ARHGAP6: variants seen among roughly 807,000 people sequenced by gnomAD.
The protein encoded by ARHGAP6 is rho GTPase-activating protein 6.
ARHGAP6 carries 16 observed loss-of-function variants against 55.7 expected under a neutral mutation model. The observed-to-expected ratio is 0.29, with a 90% CI of 0.19 to 0.44. The LOEUF (loss-of-function observed/expected upper bound fraction) is 0.44, where lower values mean the gene tolerates loss of function less well. Ranked by LOEUF, ARHGAP6 falls within the 20% of genes least tolerant of loss-of-function variation. The probability of loss-of-function intolerance (pLI) is 1.00; values close to 1 mark genes in which losing one functional copy is unlikely to be tolerated. For missense variants in ARHGAP6, 698 were observed against 808.9 expected (o/e 0.86, Z 1.66); for synonymous variants, 382 against 360.9 (o/e 1.06, Z -0.66).
chrX:11,239,072 C>A (rs2047240517), intron 2 of ARHGAP6, among the ~76,000 whole-genome samples: 1 of 111,199 alleles, frequency 9.0e-6, no homozygotes, highest in Non-Finnish European at 1.9e-5. Flanking sequence ...TTGTTGATAG[C>A]AATGCACCAA....
chrX:11,333,374 C>T (rs1173892247), intron 1 of ARHGAP6, among the ~76,000 whole-genome samples: 1 of 111,722 alleles, frequency 9.0e-6, no homozygotes, highest in African/African-American at 3.3e-5. Flanking sequence ...AGCAAGTCTT[C>T]TTGCTCCTGC....
At chrX:11,247,403 C>G (rs191025961) in intron 2 of ARHGAP6, among the ~76,000 whole-genome samples, 5 of 112,283 alleles carry the variant, frequency 4.5e-5, no homozygotes, top group Admixed American at 9.4e-5. Context: ...AGCCATAATG[C>G]CTACACTAAC....
intron 1 of ARHGAP6, among the ~76,000 whole-genome samples, chrX:11,293,023 C>A (rs1293185389): frequency 8.9e-6 from 1 of 112,345 alleles, no homozygotes; most frequent in Admixed American, 9.4e-5. Flanking sequence ...CTGGAAAAAT[C>A]CTGGAGGATA....
At chrX:11,544,292 G>A (rs1188537785) in intron 1 of ARHGAP6, among the ~76,000 whole-genome samples, 2 of 112,529 alleles carry the variant, frequency 1.8e-5, no homozygotes, top group African/African-American at 6.5e-5. Context: ...GTGGCCCAAT[G>A]TTTATTTAGA....
At chrX:11,453,908 T>C (rs890989347) in intron 1 of ARHGAP6, among the ~76,000 whole-genome samples, 7 of 111,457 alleles carry the variant, frequency 6.3e-5, no homozygotes. Context: ...TCATCTTCTT[T>C]CCTTGGCTTT....
chrX:11,665,879 G>C lies in ARHGAP6; in HGVS notation c.-1051C>G, dbSNP rs762960121. Among the ~76,000 whole-genome samples, 1 of 112,283 alleles carries C rather than the reference G, an allele frequency of 8.9e-6. No homozygotes were observed. The highest frequency in any genetic ancestry group is 2.8e-4 in the East Asian group (1 of 3,520). On this transcript the variant is annotated 5_prime_UTR_variant, in exon 1 of 13. Transcript: ENST00000337414. ...AGGCGCCAAACCTGCAAGCGGCGAG[G>C]AGAGAAGGCAGCTCGCCACTGATAC...
At chrX:11,169,773 CT>C (rs759297343) in intron 8 of ARHGAP6, 89 bp from the exon 9 acceptor site, 58,568 of 486,290 alleles carry the variant, frequency 0.12, 7 homozygotes, top group East Asian at 0.14. Flanking sequence ...TTTTACTCTC[CT>C]TTTTTTTTTT....
At chrX:11,549,209 C>T (rs1232086894) in intron 1 of ARHGAP6, among the ~76,000 whole-genome samples, 1 of 111,633 alleles carries the variant, frequency 9.0e-6, no homozygotes. Flanking sequence ...ATTCTATTAG[C>T]CTTAAGTAAT....
intron 2 of ARHGAP6, among the ~76,000 whole-genome samples, chrX:11,232,801 C>T (rs181551540): frequency 8.9e-6 from 1 of 111,899 alleles, no homozygotes; most frequent in African/African-American, 3.2e-5. Context: ...TTTTCTGGAC[C>T]CTGTTAGTTC....
At chrX:11,388,977 G>A (rs1267714646) in intron 1 of ARHGAP6, among the ~76,000 whole-genome samples, 1 of 112,054 alleles carries the variant, frequency 8.9e-6, no homozygotes, top group African/African-American at 3.2e-5. Context: ...GTCACAAAAT[G>A]CCTACAGATT....
At chrX:11,423,352 G>A (rs925947724) in intron 1 of ARHGAP6, among the ~76,000 whole-genome samples, 1 of 112,754 alleles carries the variant, frequency 8.9e-6, no homozygotes, top group African/African-American at 3.2e-5. Flanking sequence ...AATGTTCATA[G>A]AGAACAAACG....
intron 1 of ARHGAP6, among the ~76,000 whole-genome samples, chrX:11,516,192 T>C (rs756556027): frequency 8.9e-6 from 1 of 112,531 alleles, no homozygotes; most frequent in African/African-American, 3.2e-5. Flanking sequence ...AAAATTACAT[T>C]TTGTAAGTTT....
intron 2 of ARHGAP6, among the ~76,000 whole-genome samples, chrX:11,237,062 C>T (rs1409946375): frequency 8.9e-6 from 1 of 112,682 alleles, no homozygotes; most frequent in Non-Finnish European, 1.9e-5. Context: ...CTCATCCAGG[C>T]AATCATGGGG....
intron 2 of ARHGAP6, among the ~76,000 whole-genome samples, chrX:11,206,440 C>A (rs2046705731): frequency 9.0e-6 from 1 of 111,544 alleles, no homozygotes; most frequent in African/African-American, 3.3e-5. Context: ...AATTACATTT[C>A]TTAAAAGCAA....
intron 2 of ARHGAP6, among the ~76,000 whole-genome samples, chrX:11,213,285 A>G (rs1425484701): frequency 2.7e-5 from 3 of 112,658 alleles, no homozygotes; most frequent in Non-Finnish European, 5.6e-5. Flanking sequence ...CATCCTTTTT[A>G]TCAATGGATT....
At chrX:11,430,903 G>A (rs1361007324) in intron 1 of ARHGAP6, among the ~76,000 whole-genome samples, 1 of 111,786 alleles carries the variant, frequency 8.9e-6, no homozygotes, top group African/African-American at 3.3e-5. Flanking sequence ...CTGCCCTTCT[G>A]AGTGTCCATT....
intron 1 of ARHGAP6, among the ~76,000 whole-genome samples, chrX:11,406,484 AC>A (rs2049610299): frequency 9.0e-6 from 1 of 110,994 alleles, no homozygotes; most frequent in South Asian, 3.8e-4. Context: ...ACACACACAC[AC>A]CCCACACACA....
intron 1 of ARHGAP6, among the ~76,000 whole-genome samples, chrX:11,393,330 C>A (rs931517873): frequency 3.6e-5 from 4 of 110,516 alleles, no homozygotes; most frequent in African/African-American, 1.3e-4. Context: ...ATAGTTCCTC[C>A]CCCTGAAGAA....
intron 1 of ARHGAP6, among the ~76,000 whole-genome samples, chrX:11,426,772 T>C (rs755805018): frequency 9.1e-6 from 1 of 109,366 alleles, no homozygotes; most frequent in African/African-American, 3.3e-5. Flanking sequence ...TCATCTAGTA[T>C]CTGGATTTGG....
Sources: allele counts gnomAD v4.1 joint callset (sites outside exome capture counted in the v4.1 genomes callset), GRCh38; gene constraint gnomAD v4.1.1; transcripts MANE v1.5; gene names NCBI Gene and HGNC (gene_info 2026-07-23, HGNC 2026-07-21).